TBX5: variants seen among roughly 807,000 people sequenced by gnomAD.
TBX5 encodes T-box transcription factor TBX5.
A neutral mutation model predicts 51.1 loss-of-function variants in TBX5; 8 were observed. That is an observed-to-expected ratio of 0.16 (90% confidence interval 0.09 to 0.28). TBX5 has a LOEUF of 0.28. Among genes scored for constraint, TBX5 ranks in the 10% least tolerant of loss-of-function variants. The pLI, the probability that TBX5 is intolerant of heterozygous loss-of-function variation, is 1.00. For missense variants in TBX5, 589 were observed against 671.7 expected (o/e 0.88, Z 1.36); for synonymous variants, 302 against 266.4 (o/e 1.13, Z -1.30).
chr12:114,408,412 CG>C (rs1872362477), upstream of TBX5: 1 of 158,638 alleles, frequency 6.3e-6, no homozygotes, highest in African/African-American at 2.4e-5. Flanking sequence ...CGAGTTGTTC[CG>C]GGGGACTGAG....
In TBX5 at chr12:114,388,616, T is replaced by C. The variant is rs374531110; in HGVS notation, c.664-3049A>G. On this transcript the variant is annotated intron_variant, in intron 6 of 8. Transcript: ENST00000405440. ...CCTTGGCCTTCCAAAGTGCTGAGATTATACACATGAGCCACTATTCCTACC... is the reference window on the plus strand; with the variant it reads ...CCTTGGCCTTCCAAAGTGCTGAGATCATACACATGAGCCACTATTCCTACC... Among the ~76,000 whole-genome samples the C allele has an allele frequency of 1.3e-4, 20 of 152,150 alleles. No homozygotes were observed. In the East Asian group the frequency reaches 3.1e-3, roughly 24 times the overall value.
chr12:114,355,617 TGA>T lies in TBX5; in HGVS notation c.1470_1471del (p.His491TrpfsTer27). ...AGGGGATAGAGTCCTTGGCACGCCA[TGA>T]GAGTAGAGGAACTCAGGGGGCTGAA... On this transcript the variant is annotated frameshift_variant, in exon 9 of 9. Transcript: ENST00000405440. LOFTEE classifies it high-confidence loss of function. The T allele has an allele frequency of 6.2e-7, 1 of 1,607,766 alleles. No individual in the cohort carries two copies. Among genetic ancestry groups the T allele is most frequent in the Non-Finnish European group, 8.5e-7 (1 of 1,174,828 alleles).
chr12:114,404,442 G>A (rs187168206), intron 1 of TBX5, among the ~76,000 whole-genome samples: 5 of 151,990 alleles, frequency 3.3e-5, no homozygotes, highest in Admixed American at 3.3e-4. Context: ...TCTGCAGCAG[G>A]CAGAAATGTG....
intron 6 of TBX5, among the ~76,000 whole-genome samples, chr12:114,388,880 A>C (rs1056314598): frequency 6.6e-6 from 1 of 151,468 alleles, no homozygotes; most frequent in Non-Finnish European, 1.5e-5. Flanking sequence ...CACCACACCC[A>C]GCCCATTTTT....
upstream of TBX5, chr12:114,407,914 G>T: frequency 1.0e-6 from 1 of 985,454 alleles, no homozygotes; most frequent in East Asian, 1.1e-4. Flanking sequence ...CACCAAAAGA[G>T]ACCTCTTTAG....
chr12:114,393,599 A>C (rs1871270485), intron 6 of TBX5, among the ~76,000 whole-genome samples: 1 of 152,190 alleles, frequency 6.6e-6, no homozygotes, highest in Non-Finnish European at 1.5e-5. Flanking sequence ...GAGGAAAAAG[A>C]GAAGATCCTC....
rs534826655 is a variant in TBX5, at chr12:114,375,911, G to A, written c.756-9520C>T. 7.9e-5 allele frequency among the ~76,000 whole-genome samples: 12 copies of A among 152,184 alleles called. No homozygotes were observed. The South Asian group carries it at 2.5e-3, about 32-fold the overall frequency. On this transcript the variant is annotated intron_variant, in intron 7 of 8. Transcript: ENST00000405440. Reference sequence around the variant, plus strand: ...TTGAAAAACATTAACAAGGCATGGTGGCACGTGCCTGTAGTCCCAGCTACT... The same window carrying A: ...TTGAAAAACATTAACAAGGCATGGTAGCACGTGCCTGTAGTCCCAGCTACT...
intron 7 of TBX5, among the ~76,000 whole-genome samples, chr12:114,381,551 T>A (rs940573129): frequency 3.3e-5 from 5 of 152,118 alleles, no homozygotes; most frequent in Admixed American, 2.0e-4. Flanking sequence ...ACATATAGAC[T>A]AGGAATCAAG....
In TBX5 at chr12:114,405,812, C is replaced by T. The variant is rs1872180252; in HGVS notation, c.-223G>A. The stretch of plus-strand genomic sequence containing the variant: ...CGCTGGAGCCTCCGCGGCGACTGCC[C>T]ACCTCCAACACACACCTCCTCTGCT... On this transcript the variant is annotated 5_prime_UTR_variant, in exon 1 of 9. Transcript: ENST00000405440. The T allele has an allele frequency of 8.1e-6, 8 of 985,414 alleles. No individual in the cohort carries two copies. The highest frequency in any genetic ancestry group is 9.6e-6 in the Non-Finnish European group (8 of 830,042). 61.0% of individuals were successfully genotyped at this position (985,414 alleles called of 1,614,324 possible). A position where few individuals can be genotyped will look rare whatever the true frequency, so the allele number is the denominator to read the frequency against.
chr12:114,367,111 T>C (rs1373870079), intron 7 of TBX5, among the ~76,000 whole-genome samples: 1 of 150,832 alleles, frequency 6.6e-6, no homozygotes, highest in Non-Finnish European at 1.5e-5. Flanking sequence ...GCTCAACAAA[T>C]GGCAACCATC....
At chr12:114,407,095 C>G (rs1167777208), upstream of TBX5, 1 of 985,166 alleles carries the variant, frequency 1.0e-6, no homozygotes, top group African/African-American at 1.7e-5. Flanking sequence ...GGAGAAATGC[C>G]CCGAGGTCAG....
At chr12:114,386,841 C>T (rs1167603097) in intron 6 of TBX5, among the ~76,000 whole-genome samples, 1 of 152,052 alleles carries the variant, frequency 6.6e-6, no homozygotes, top group African/African-American at 2.4e-5. Flanking sequence ...TGCCTGTAAT[C>T]CCAGCACTTT....
chr12:114,366,465 T>G, intron 7 of TBX5, 74 bp from the exon 8 acceptor site: 1 of 1,448,160 alleles, frequency 6.9e-7, no homozygotes, highest in Non-Finnish European at 9.7e-7. Flanking sequence ...GAACCAGGTG[T>G]GAGAGAATCC....
At chr12:114,379,897 A>G (rs1040798598) in intron 7 of TBX5, among the ~76,000 whole-genome samples, 6 of 152,208 alleles carry the variant, frequency 3.9e-5, no homozygotes, top group Non-Finnish European at 7.3e-5. Context: ...CATTCTGCAA[A>G]AGAGAGCAGG....
intron 2 of TBX5, among the ~76,000 whole-genome samples, chr12:114,402,227 G>A (rs534226448): frequency 3.3e-5 from 5 of 152,028 alleles, no homozygotes; most frequent in South Asian, 2.1e-4. Flanking sequence ...AGGGTGCTCC[G>A]GAATGTCACT....
In TBX5 at chr12:114,355,598, T is replaced by C. The variant is rs778359709; in HGVS notation, c.1491A>G (p.Leu497=). 5.1e-5 allele frequency: 83 copies of C among 1,614,050 alleles called. No individual in the cohort carries two copies. The highest frequency in any genetic ancestry group is 6.9e-5 in the Non-Finnish European group (81 of 1,180,048). The change falls in exon 9 of 9, where the codon CTA becomes CTG. Residue 497 remains leucine, a synonymous_variant. Transcript: ENST00000405440. ...FLYSHGVPRT[L]SPHQYHSVHG... ...GCACAGAGTGGTACTGATGAGGGGA[T>C]AGAGTCCTTGGCACGCCATGAGAGT...
chr12:114,407,930 GTCT>G (rs1214167862), upstream of TBX5: 7 of 985,292 alleles, frequency 7.1e-6, no homozygotes, highest in African/African-American at 3.5e-5. Context: ...TTTAGGCCAG[GTCT>G]TCTTCCAACG....
At chr12:114,365,894 G>A (rs949452880) in intron 8 of TBX5, among the ~76,000 whole-genome samples, 3 of 151,538 alleles carry the variant, frequency 2.0e-5, no homozygotes, top group South Asian at 2.1e-4. Flanking sequence ...CACTCGCCAC[G>A]TGTATGTGTG....
intron 6 of TBX5, among the ~76,000 whole-genome samples, chr12:114,391,912 C>T (rs1565938049): frequency 6.6e-6 from 1 of 152,070 alleles, no homozygotes; most frequent in Non-Finnish European, 1.5e-5. Context: ...CTTTGGTGCT[C>T]TAAAGGAAGA....
Sources: gnomAD v4.1 joint callset for allele counts (sites outside exome capture counted in the v4.1 genomes callset) on GRCh38, gnomAD v4.1.1 for gene constraint, MANE v1.5 for transcripts, NCBI Gene and HGNC (gene_info 2026-07-23, HGNC 2026-07-21) for gene names.